COL16A1: variants seen among roughly 807,000 people sequenced by gnomAD.
COL16A1 encodes collagen type XVI alpha 1 chain, also known as collagen alpha-1(XVI) chain.
Under a neutral mutation model 266.3 loss-of-function variants are expected in COL16A1, and 189 were observed. The observed-to-expected ratio is 0.71, with a 90% CI of 0.63 to 0.80. The LOEUF (loss-of-function observed/expected upper bound fraction) is 0.80. Among genes scored for constraint, COL16A1 ranks in the 30% least tolerant of loss-of-function variants. The probability of loss-of-function intolerance (pLI) is 0.00; values close to 1 mark genes in which losing one functional copy is unlikely to be tolerated. For missense variants in COL16A1, 1,928 were observed against 2,122.4 expected, an observed-to-expected ratio of 0.91 and a Z score of 1.80; for synonymous variants, 740 against 782.3, an observed-to-expected ratio of 0.95 and a Z score of 0.90.
Position 31,697,623 on chromosome 1 carries a change from C to T in COL16A1, c.657+283G>A, listed in dbSNP as rs1420472467. 6.6e-6 allele frequency among the ~76,000 whole-genome samples: 1 copy of T among 152,140 alleles called. No homozygotes were observed. Among genetic ancestry groups the T allele is most frequent in the African/African-American group, 2.4e-5 (1 of 41,434 alleles). The stretch of plus-strand genomic sequence containing the variant: ...GGTAACAGCGTAGGCAAAGGCACGG[C>T]AGTGTGAAAGCACTGGGTGCGCTGG... On this transcript the variant is annotated intron_variant, in intron 6 of 70. Coordinates refer to ENST00000373672, the MANE Select transcript of COL16A1 (RefSeq NM_001856.4). This position sits in a 1 kb window ranked among gnomAD's most constrained non-coding sequence, Gnocchi z 4.2.
In COL16A1 at chr1:31,668,890, C is replaced by A. The variant is rs2271929; in HGVS notation, c.3196-35G>T. On this transcript the variant is annotated intron_variant, in intron 49 of 70. Transcript: ENST00000373672. The surrounding 1 kb of genome is among the most constrained non-coding windows in gnomAD (Gnocchi z 5.8). ...AAAAATCATGAGAAACTGCAGGAGCCGGCGGTCCCCACCCAGCCCCTGACT... is the reference window on the plus strand; with the variant it reads ...AAAAATCATGAGAAACTGCAGGAGCAGGCGGTCCCCACCCAGCCCCTGACT... 8.9e-5 allele frequency: 143 copies of A among 1,603,236 alleles called. 2 individuals carry two copies. The highest frequency in any genetic ancestry group is 8.5e-4 in the East Asian group (38 of 44,656).
Position 31,685,666 on chromosome 1 carries a change from A to G in COL16A1, c.1989T>C (p.Pro663=). ...GTTTTCCTGGCAAGCCAAAGCCTGG[A>G]GGCCCAGGTTCCCCCTTCTCTCCGG... The part of the protein sequence containing the change: ...GPSGEKGEPG[P]PGFGLPGKQG... The change falls in exon 29 of 71, where the codon CCT becomes CCC. Residue 663 remains proline, a synonymous_variant. Transcript: ENST00000373672. The surrounding 1 kb of genome is among the most constrained non-coding windows in gnomAD (Gnocchi z 4.0). The G allele has an allele frequency of 6.2e-7, 1 of 1,613,902 alleles. No individual in the cohort carries two copies. The highest frequency in any genetic ancestry group is 8.5e-7 in the Non-Finnish European group (1 of 1,179,976).
At chr1:31,653,272 A>G (rs1402688079) in intron 70 of COL16A1, among the ~76,000 whole-genome samples, 1 of 152,190 alleles carries the variant, frequency 6.6e-6, no homozygotes, top group Non-Finnish European at 1.5e-5. Flanking sequence ...AGCACTTCCA[A>G]AGGGCTTAAG....
At chr1:31,666,661 C>G (rs1321647165) in intron 52 of COL16A1, among the ~76,000 whole-genome samples, 1 of 152,046 alleles carries the variant, frequency 6.6e-6, no homozygotes, top group African/African-American at 2.4e-5. Context: ...GGAAGCTGTT[C>G]CTGCAGTGCC....
At chr1:31,684,878 C>T (rs751386164) in intron 29 of COL16A1, 22 bp from the exon 30 acceptor site, 1 of 1,613,244 alleles carries the variant, frequency 6.2e-7, no homozygotes, top group East Asian at 2.2e-5. Context: ...GCATTTCCAG[C>T]ACCCGCTCAC....
chr1:31,660,361 T>C (rs1018723456), intron 62 of COL16A1, among the ~76,000 whole-genome samples: 2 of 152,160 alleles, frequency 1.3e-5, no homozygotes, highest in Non-Finnish European at 2.9e-5. Flanking sequence ...CCACAATTAT[T>C]TGTTGACTGA....
Position 31,664,414 on chromosome 1 carries a change from C to T in COL16A1, c.3555+758G>A, listed in dbSNP as rs1641953580. On this transcript the variant is annotated intron_variant, in intron 56 of 70. Transcript: ENST00000373672. This position sits in a 1 kb window ranked among gnomAD's most constrained non-coding sequence, Gnocchi z 5.5. ...TGTGCTCTCAGGGGAAAGAGGCTCT[C>T]CACAAGGCTCAGGGGAAAGAGGCTC... is the stretch of plus-strand genomic sequence containing the variant. Among the ~76,000 whole-genome samples the T allele has an allele frequency of 6.6e-6, 1 of 152,064 alleles. No individual in the cohort carries two copies. Among genetic ancestry groups the T allele is most frequent in the Non-Finnish European group, 1.5e-5 (1 of 67,988 alleles).
intron 9 of COL16A1, 25 bp from the exon 10 acceptor site, chr1:31,695,812 G>A: frequency 1.3e-6 from 2 of 1,587,312 alleles, no homozygotes; most frequent in Non-Finnish European, 1.7e-6. Flanking sequence ...GGGGGTGTGG[G>A]AATGGGCAGG....
chr1:31,695,112 T>C, intron 11 of COL16A1, 74 bp downstream of exon 11: 1 of 1,539,756 alleles, frequency 6.5e-7, no homozygotes, highest in Non-Finnish European at 8.9e-7. Flanking sequence ...CCCAGGAGGC[T>C]GCCAAGCCAG....
chr1:31,682,564 T>C (rs747237103), intron 37 of COL16A1, among the ~76,000 whole-genome samples: 10 of 152,132 alleles, frequency 6.6e-5, no homozygotes, highest in Admixed American at 2.6e-4. Flanking sequence ...GGATGGGCTT[T>C]GGTTTGAGTC....
At chr1:31,702,002 G>A (rs1221926581) in intron 2 of COL16A1, 119 bp downstream of exon 2, 2 of 1,504,732 alleles carry the variant, frequency 1.3e-6, no homozygotes, top group Non-Finnish European at 1.8e-6. Context: ...CCAGCCCCTA[G>A]ACTCTGCTAT....
At chr1:31,689,986 G>A in intron 22 of COL16A1, 135 bp from the exon 23 acceptor site, 1 of 715,988 alleles carries the variant, frequency 1.4e-6, no homozygotes, top group Admixed American at 2.6e-5. Flanking sequence ...TGGACAGCAG[G>A]AATGCCGCTG....
chr1:31,702,372 G>A, intron 1 of COL16A1, 145 bp from the exon 2 acceptor site: 1 of 767,008 alleles, frequency 1.3e-6, no homozygotes, highest in Non-Finnish European at 2.1e-6. Flanking sequence ...CTCTCTCAGA[G>A]GCCCAACCAC....
intron 22 of COL16A1, chr1:31,690,069 A>G: frequency 1.6e-6 from 1 of 620,000 alleles, no homozygotes. Flanking sequence ...TCCTCGCCGT[A>G]AGCCTTAAAA....
intron 42 of COL16A1, among the ~76,000 whole-genome samples, chr1:31,677,916 G>A (rs374002974): frequency 6.6e-6 from 1 of 152,172 alleles, no homozygotes; most frequent in South Asian, 2.1e-4. Flanking sequence ...ATCAGCTCTC[G>A]CTTATTAATG....
chr1:31,695,812 G>C, intron 9 of COL16A1, 25 bp from the exon 10 acceptor site: 2 of 1,587,316 alleles, frequency 1.3e-6, no homozygotes, highest in Non-Finnish European at 1.7e-6. Flanking sequence ...GGGGGTGTGG[G>C]AATGGGCAGG....
At position 31,668,409 on chromosome 1, in the gene COL16A1, G is replaced by A. The variant is rs1642333732; in HGVS notation, c.3250-191C>T. ...GGTCGTGACCACCACCACAGACCTG[G>A]GCTGGGGAGGCGAACCCCAGCCTGG... On this transcript the variant is annotated intron_variant, in intron 50 of 70. Coordinates refer to ENST00000373672, the MANE Select transcript of COL16A1 (RefSeq NM_001856.4). This position sits in a 1 kb window ranked among gnomAD's most constrained non-coding sequence, Gnocchi z 5.8. Among the ~76,000 whole-genome samples, 2 of 152,084 alleles carry A rather than the reference G, an allele frequency of 1.3e-5. No homozygotes were observed. Among genetic ancestry groups the A allele is most frequent in the Non-Finnish European group, 2.9e-5 (2 of 67,996 alleles).
At chr1:31,671,026 A>G (rs1333137843) in intron 48 of COL16A1, among the ~76,000 whole-genome samples, 4 of 152,196 alleles carry the variant, frequency 2.6e-5, no homozygotes, top group Non-Finnish European at 4.4e-5. Flanking sequence ...AGCTCCCACC[A>G]GCCATTTTCT....
rs759556852 is a variant in COL16A1, at chr1:31,684,592, GCC to G, written c.2089_2090del (p.Gly697HisfsTer25). The G allele has an allele frequency of 1.2e-5, 20 of 1,613,806 alleles. 1 individual carries two copies. In the South Asian group the frequency reaches 2.2e-4, roughly 18 times the overall value. ...AGNPGDPGTPGTTGRPGLSGE... is the reference protein window; with the variant it reads ...AGNPGDPGTPXTTGRPGLSGE... ...CTGACAGTCCTGGCCGCCCTGTGGT[GCC>G]CGGCGTTCCAGGGTCTCCAGGATTC... On this transcript the variant is annotated frameshift_variant, in exon 31 of 71. Coordinates refer to ENST00000373672, the MANE Select transcript of COL16A1 (RefSeq NM_001856.4). LOFTEE classifies it high-confidence loss of function.
Sources: gnomAD v4.1 joint callset for allele counts (sites outside exome capture counted in the v4.1 genomes callset) on GRCh38, gnomAD v4.1.1 for gene constraint, Gnocchi (gnomAD v3.1) non-coding constraint, MANE v1.5 for transcripts, NCBI Gene and HGNC (gene_info 2026-07-23, HGNC 2026-07-21) for gene names.